The following CSGALNACT1 variants were observed in gnomAD, a reference collection of about 807,000 sequenced individuals.
CSGALNACT1 encodes the protein chondroitin sulfate N-acetylgalactosaminyltransferase 1, also known as beta4GalNAcT-1.
Under a neutral mutation model 51.0 loss-of-function variants are expected in CSGALNACT1, and 52 were observed. The observed-to-expected ratio is 1.02, with a 90% CI of 0.82 to 1.29. The LOEUF (loss-of-function observed/expected upper bound fraction) is 1.29. Among genes scored for constraint, CSGALNACT1 ranks in the 50% most tolerant of loss-of-function variants. The probability of loss-of-function intolerance (pLI) is 0.00; values close to 1 mark genes in which losing one functional copy is unlikely to be tolerated. For missense variants in CSGALNACT1, 935 were observed against 679.2 expected (o/e 1.38, Z -4.19); for synonymous variants, 341 against 254.4 (o/e 1.34, Z -3.24).
At chr8:19,718,051 G>T (rs1049837484) in intron 1 of CSGALNACT1, among the ~76,000 whole-genome samples, 2 of 152,106 alleles carry the variant, frequency 1.3e-5, no homozygotes, top group Non-Finnish European at 2.9e-5. Context: ...TTTCTCCTTG[G>T]GGCCCAGAGT....
chr8:19,673,773 T>G (rs1210402777), intron 1 of CSGALNACT1, among the ~76,000 whole-genome samples: 1 of 152,086 alleles, frequency 6.6e-6, no homozygotes, highest in Non-Finnish European at 1.5e-5. Context: ...TGAAACAGAG[T>G]TTTAAAAGAA....
chr8:19,418,697 A>G (rs1428979731), exon 8 of CSGALNACT1: 34 of 1,613,746 alleles, frequency 2.1e-5, no homozygotes, highest in Non-Finnish European at 2.8e-5. Context: ...TGGTGGCCGT[A>G]TATTATGCCA....
chr8:19,612,137 GCTCGAGAC>G (rs1157854583), intron 1 of CSGALNACT1, among the ~76,000 whole-genome samples: 1 of 152,044 alleles, frequency 6.6e-6, no homozygotes, highest in Non-Finnish European at 1.5e-5. Context: ...GAGGCCAGGA[GCTCGAGAC>G]CTGCCTAGGC....
At chr8:19,434,187 A>C (rs2060039515) in intron 6 of CSGALNACT1, among the ~76,000 whole-genome samples, 1 of 152,192 alleles carries the variant, frequency 6.6e-6, no homozygotes, top group Non-Finnish European at 1.5e-5. Flanking sequence ...GTGTTTGCAG[A>C]GGCCTTTACT....
rs553239139 is a variant in CSGALNACT1 at position 19,418,769 on chromosome 8, A to G, written c.1133-19T>C. The stretch of plus-strand genomic sequence containing the variant: ...TTCTTCCCTACAAACCAGAAAACAA[A>G]CATTCACTTAAAGTGACAGATCCAA... On this transcript the variant is annotated intron_variant, in intron 7 of 9. Coordinates refer to ENST00000454498, the Ensembl canonical transcript of CSGALNACT1. The G allele has an allele frequency of 1.3e-6, 2 of 1,533,954 alleles. No individual in the cohort carries two copies. Among genetic ancestry groups the G allele is most frequent in the African/African-American group, 2.7e-5 (2 of 73,478 alleles).
Position 19,662,064 on chromosome 8 carries a change from ACC to A in CSGALNACT1, c.-544+20407_-544+20408del, listed in dbSNP as rs1281131821. On this transcript the variant is annotated intron_variant, in intron 1 of 9. Coordinates refer to the CSGALNACT1 transcript ENST00000332246. ...CTTTCCCACTATTACAGTTGCCCCC[ACC>A]CCCCCCCACCCCCCCCCCCCCCCGC... Among the ~76,000 whole-genome samples the A allele has an allele frequency of 6.7e-3, 249 of 36,948 alleles. 2 individuals are homozygous for A. Among genetic ancestry groups the A allele is most frequent in the East Asian group, 0.022 (22 of 1,006 alleles). The allele number at this position is 36,948 out of a possible 152,430, so 24.2% of individuals were successfully genotyped here.
At chr8:19,467,942 C>T (rs1053455015) in intron 4 of CSGALNACT1, among the ~76,000 whole-genome samples, 4 of 152,272 alleles carry the variant, frequency 2.6e-5, no homozygotes, top group East Asian at 1.9e-4. Context: ...GCTGTGATTG[C>T]GCTGCTGCAC....
At chr8:19,497,055 G>A (rs555461286) in intron 4 of CSGALNACT1, among the ~76,000 whole-genome samples, 2 of 152,186 alleles carry the variant, frequency 1.3e-5, no homozygotes, top group African/African-American at 4.8e-5. Context: ...TCACCTTAGG[G>A]AACTGGTGAA....
At chr8:19,749,446 T>C (rs1400939332) in intron 1 of CSGALNACT1, among the ~76,000 whole-genome samples, 2 of 152,182 alleles carry the variant, frequency 1.3e-5, no homozygotes, top group Non-Finnish European at 2.9e-5. Flanking sequence ...CTATGTGCCA[T>C]GGCATAATAA....
intron 3 of CSGALNACT1, among the ~76,000 whole-genome samples, chr8:19,537,809 G>A (rs1048066601): frequency 1.3e-5 from 2 of 152,098 alleles, no homozygotes; most frequent in African/African-American, 4.8e-5. Flanking sequence ...AAAAAACATA[G>A]GACAAAATCT....
At chr8:19,473,213 T>C (rs1291855740) in intron 4 of CSGALNACT1, among the ~76,000 whole-genome samples, 1 of 152,234 alleles carries the variant, frequency 6.6e-6, no homozygotes, top group Non-Finnish European at 1.5e-5. Context: ...ATATGTAATA[T>C]TCGGGTCAAG....
At chr8:19,459,755 G>T (rs1014289873) in intron 4 of CSGALNACT1, among the ~76,000 whole-genome samples, 2 of 152,164 alleles carry the variant, frequency 1.3e-5, no homozygotes, top group Non-Finnish European at 2.9e-5. Context: ...GTTTTTGTAT[G>T]TGAAAGAAGT....
intron 3 of CSGALNACT1, among the ~76,000 whole-genome samples, chr8:19,537,444 C>T (rs2154065501): frequency 6.6e-6 from 1 of 152,304 alleles, no homozygotes; most frequent in East Asian, 1.9e-4. Context: ...GCATAAATCT[C>T]AATTGCTTCT....
intron 3 of CSGALNACT1, chr8:19,531,743 C>A (rs1255771621): frequency 6.6e-6 from 1 of 152,224 alleles, no homozygotes; most frequent in Non-Finnish European, 1.5e-5. Context: ...TGTTTGCAAG[C>A]AAATTCAACT....
intron 4 of CSGALNACT1, among the ~76,000 whole-genome samples, chr8:19,463,881 C>T (rs2066095279): frequency 1.3e-5 from 2 of 152,160 alleles, no homozygotes; most frequent in African/African-American, 4.8e-5. Context: ...TCCATGTATC[C>T]AAGACAGAGA....
chr8:19,491,306 G>A (rs920063089), intron 4 of CSGALNACT1, among the ~76,000 whole-genome samples: 2 of 152,076 alleles, frequency 1.3e-5, no homozygotes, highest in African/African-American at 2.4e-5. Flanking sequence ...ACAACTAATT[G>A]CTTCTCATTT....
At chr8:19,676,442 G>A (rs545724050) in intron 1 of CSGALNACT1, among the ~76,000 whole-genome samples, 28 of 152,264 alleles carry the variant, frequency 1.8e-4, no homozygotes, top group African/African-American at 4.1e-4. Flanking sequence ...CAAAATTCAC[G>A]GAATCGTCTT....
chr8:19,463,960 T>C (rs1283983768), intron 4 of CSGALNACT1, among the ~76,000 whole-genome samples: 1 of 152,180 alleles, frequency 6.6e-6, no homozygotes, highest in Non-Finnish European at 1.5e-5. Flanking sequence ...CAGACCCCTC[T>C]CTGTGCCCTG....
upstream of CSGALNACT1, among the ~76,000 whole-genome samples, chr8:19,686,545 C>T (rs147003034): frequency 1.9e-3 from 285 of 151,548 alleles, 1 homozygote; most frequent in Middle Eastern, 0.048. Flanking sequence ...AGAGCCAATG[C>T]CTGCCTCCTA....
Sources: gnomAD v4.1 joint callset for allele counts (sites outside exome capture counted in the v4.1 genomes callset) on GRCh38, gnomAD v4.1.1 for gene constraint, MANE v1.5 for transcripts, NCBI Gene and HGNC (gene_info 2026-07-23, HGNC 2026-07-21) for gene names.